WDFY2: variants seen among roughly 807,000 people sequenced by gnomAD.
WDFY2 encodes the protein WD repeat and FYVE domain-containing protein 2.
A neutral mutation model predicts 56.4 loss-of-function variants in WDFY2; 36 were observed. The ratio of observed to expected loss-of-function variants is 0.64; its 90% CI spans 0.49 to 0.84. The LOEUF (loss-of-function observed/expected upper bound fraction) is 0.84. WDFY2 is among the 40% of genes least tolerant of loss of function. The probability of loss-of-function intolerance (pLI) is 0.00; values close to 1 mark genes in which losing one functional copy is unlikely to be tolerated. For synonymous variants in WDFY2, 176 were observed against 183.7 expected (o/e 0.96, Z 0.34); for missense variants, 444 against 512.2 (o/e 0.87, Z 1.29).
rs1953347101 is a variant in WDFY2, at chr13:51,755,422, A to G, written c.896A>G (p.Lys299Arg). ...GATCAGCCTTTCTTCTGGAACTTCA[A>G]GCAAATGTGGGACAGTAAGAAAATT... is the stretch of plus-strand genomic sequence containing the variant. ...KCDQPFFWNF[K>R]QMWDSKKIGL... is the part of the protein sequence containing the mutation. The change falls in exon 9 of 12, where the codon AAG becomes AGG. Residue 299 changes from lysine (K) to arginine (R), a missense_variant. Coordinates refer to ENST00000298125, the MANE Select transcript of WDFY2 (RefSeq NM_052950.4). 5 of 1,614,212 alleles carry G rather than the reference A, an allele frequency of 3.1e-6. No homozygotes were observed. The highest frequency in any genetic ancestry group is 2.2e-5 in the East Asian group (1 of 44,888).
intron 1 of WDFY2, among the ~76,000 whole-genome samples, chr13:51,652,040 C>A (rs1325953681): frequency 2.6e-5 from 4 of 152,138 alleles, no homozygotes; most frequent in African/African-American, 4.8e-5. Context: ...TGGGAGTCTA[C>A]ATCTCTCTGT....
At chr13:51,711,755 A>G (rs1334581584) in intron 4 of WDFY2, among the ~76,000 whole-genome samples, 1 of 152,238 alleles carries the variant, frequency 6.6e-6, no homozygotes, top group Admixed American at 6.5e-5. Flanking sequence ...ATCTCACACC[A>G]GTTAGAATGG....
At chr13:51,639,618 A>T (rs1318102146) in intron 1 of WDFY2, among the ~76,000 whole-genome samples, 1 of 152,124 alleles carries the variant, frequency 6.6e-6, no homozygotes, top group Admixed American at 6.5e-5. Flanking sequence ...TATAGGCTGG[A>T]TTATGAGGGC....
At chr13:51,636,560 A>G (rs1240254713) in intron 1 of WDFY2, among the ~76,000 whole-genome samples, 1 of 152,120 alleles carries the variant, frequency 6.6e-6, no homozygotes, top group African/African-American at 2.4e-5. Flanking sequence ...TACTCATGAG[A>G]CTCCACAAAG....
chr13:51,715,060 C>T (rs1290124723), intron 4 of WDFY2, among the ~76,000 whole-genome samples: 1 of 152,178 alleles, frequency 6.6e-6, no homozygotes, highest in African/African-American at 2.4e-5. Flanking sequence ...GGGCACTTAC[C>T]ATGAATGGAG....
intron 1 of WDFY2, among the ~76,000 whole-genome samples, chr13:51,642,768 C>T (rs1650328094): frequency 6.6e-6 from 1 of 150,988 alleles, no homozygotes. Context: ...GCAACCTCCA[C>T]CTCCCAGGTT....
Position 51,719,163 on chromosome 13 carries a change from C to A in WDFY2, c.335-35C>A, listed in dbSNP as rs1293741524. 2.5e-6 allele frequency: 4 copies of A among 1,613,894 alleles called. No individual in the cohort carries two copies. In the African/African-American group the frequency reaches 5.3e-5, roughly 22 times the overall value. On this transcript the variant is annotated intron_variant, in intron 4 of 11. Coordinates refer to ENST00000298125, the MANE Select transcript of WDFY2 (RefSeq NM_052950.4). Reference sequence around the variant, plus strand: ...ATGTTCTTCCAACCTCCTTAGGATGCTTTATAGGTTGTTTTCTTTTCTCTT... The same window carrying A: ...ATGTTCTTCCAACCTCCTTAGGATGATTTATAGGTTGTTTTCTTTTCTCTT...
At chr13:51,648,184 G>C (rs1039770017) in intron 1 of WDFY2, among the ~76,000 whole-genome samples, 1 of 152,136 alleles carries the variant, frequency 6.6e-6, no homozygotes, top group African/African-American at 2.4e-5. Flanking sequence ...TTCCCTGCCC[G>C]TCAGTATTTC....
At chr13:51,676,180 C>T (rs1209547806) in intron 3 of WDFY2, among the ~76,000 whole-genome samples, 2 of 152,200 alleles carry the variant, frequency 1.3e-5, no homozygotes, top group Non-Finnish European at 2.9e-5. Flanking sequence ...CCAGAGTCTT[C>T]ACTGACCTTT....
At chr13:51,698,316 A>G (rs1460804942) in intron 3 of WDFY2, among the ~76,000 whole-genome samples, 1 of 152,244 alleles carries the variant, frequency 6.6e-6, no homozygotes, top group Non-Finnish European at 1.5e-5. Context: ...AGAATACATC[A>G]GGGCAAGTTT....
At chr13:51,662,035 A>G (rs534950119) in intron 2 of WDFY2, among the ~76,000 whole-genome samples, 2 of 152,068 alleles carry the variant, frequency 1.3e-5, no homozygotes, top group South Asian at 2.1e-4. Flanking sequence ...CAGTATTGCA[A>G]TCTTGGCTCA....
At chr13:51,657,096 A>G (rs996817356) in intron 1 of WDFY2, among the ~76,000 whole-genome samples, 16 of 151,790 alleles carry the variant, frequency 1.1e-4, no homozygotes, top group Admixed American at 9.8e-4. Context: ...ATTTTTTCTC[A>G]TGTACCATTT....
rs1566210338 is a variant in WDFY2, at chr13:51,739,146, A to G, written c.696A>G (p.Lys232=). Residue 232 remains lysine, a synonymous_variant, in exon 7 of 12, where the codon AAA becomes AAG. Transcript: ENST00000298125. ...TCATGTGGGACATCGGTGGGAGAAA[A>G]GGAACAGCCATCGAGCTCCAAGGAC... ...SVIMWDIGGR[K]GTAIELQGHN... 3 of 1,594,864 alleles carry G rather than the reference A, an allele frequency of 1.9e-6. No homozygotes were observed. Among genetic ancestry groups the G allele is most frequent in the Non-Finnish European group, 2.6e-6 (3 of 1,171,010 alleles).
At chr13:51,702,541 C>T (rs984950703) in intron 3 of WDFY2, among the ~76,000 whole-genome samples, 1 of 152,072 alleles carries the variant, frequency 6.6e-6, no homozygotes, top group African/African-American at 2.4e-5. Flanking sequence ...AACTTTATTG[C>T]TTTGTATATT....
chr13:51,617,800 G>A (rs888972037), intron 1 of WDFY2, among the ~76,000 whole-genome samples: 2 of 152,104 alleles, frequency 1.3e-5, no homozygotes, highest in Non-Finnish European at 2.9e-5. Flanking sequence ...TTTGAGATGC[G>A]GGCTAACATT....
At chr13:51,612,916 T>G (rs1954531594) in intron 1 of WDFY2, among the ~76,000 whole-genome samples, 1 of 152,232 alleles carries the variant, frequency 6.6e-6, no homozygotes, top group African/African-American at 2.4e-5. Flanking sequence ...TAAGGGAGTT[T>G]ATTCATAGTT....
intron 1 of WDFY2, among the ~76,000 whole-genome samples, chr13:51,619,957 T>G (rs911371921): frequency 5.3e-5 from 8 of 152,204 alleles, no homozygotes; most frequent in Admixed American, 2.6e-4. Flanking sequence ...GAGAAACCTT[T>G]AGGCCTAACT....
chr13:51,648,378 A>T (rs73197855), intron 1 of WDFY2, among the ~76,000 whole-genome samples: 2 of 152,180 alleles, frequency 1.3e-5, no homozygotes, highest in African/African-American at 4.8e-5. Context: ...TGGGGTGGCC[A>T]TGGCCATAGG....
At chr13:51,739,312 T>C (rs1349206042) in intron 7 of WDFY2, 137 bp downstream of exon 7, 1 of 1,044,592 alleles carries the variant, frequency 9.6e-7, no homozygotes, top group Non-Finnish European at 1.3e-6. Flanking sequence ...ACTGGCCACT[T>C]TGATTTATAA....
Sources: gnomAD v4.1 joint callset for allele counts (sites outside exome capture counted in the v4.1 genomes callset) on GRCh38, gnomAD v4.1.1 for gene constraint, MANE v1.5 for transcripts, NCBI Gene and HGNC (gene_info 2026-07-23, HGNC 2026-07-21) for gene names.